The following CLSTN2 variants were observed in gnomAD, a reference collection of about 807,000 sequenced individuals.
The protein encoded by CLSTN2 is calsyntenin-2.
Under a neutral mutation model 101.2 loss-of-function variants are expected in CLSTN2, and 48 were observed. The ratio of observed to expected loss-of-function variants is 0.47; its 90% confidence interval spans 0.38 to 0.60. CLSTN2 has a LOEUF of 0.60. Among genes scored for constraint, CLSTN2 ranks in the 20% least tolerant of loss-of-function variants. CLSTN2 has a pLI of 0.00. For missense variants in CLSTN2, 1,160 were observed against 1,238.2 expected (o/e 0.94, Z 0.95); for synonymous variants, 481 against 463.6 (o/e 1.04, Z -0.48).
At chr3:140,177,618 C>T (rs1007091001) in intron 2 of CLSTN2, among the ~76,000 whole-genome samples, 16 of 151,998 alleles carry the variant, frequency 1.1e-4, no homozygotes, top group Admixed American at 3.3e-4. Flanking sequence ...AATCAGAACC[C>T]ATCTCTACAA....
intron 1 of CLSTN2, among the ~76,000 whole-genome samples, chr3:140,170,429 A>G (rs2010193751): frequency 6.6e-6 from 1 of 152,170 alleles, no homozygotes; most frequent in African/African-American, 2.4e-5. Context: ...AAGGGAGAAA[A>G]TTTGGGGGAT....
At chr3:139,977,708 G>C (rs2016895) in intron 1 of CLSTN2, among the ~76,000 whole-genome samples, 99,014 of 148,132 alleles carry the variant, frequency 0.67, 33,859 homozygotes, top group Admixed American at 0.76. Context: ...GCTGGGGAGG[G>C]GGTGGGGGGC....
chr3:139,983,449 G>T (rs1194516461), intron 1 of CLSTN2, among the ~76,000 whole-genome samples: 1 of 152,004 alleles, frequency 6.6e-6, no homozygotes, highest in Non-Finnish European at 1.5e-5. Flanking sequence ...CTATCATAAG[G>T]TTTACATATT....
intron 2 of CLSTN2, among the ~76,000 whole-genome samples, chr3:140,254,132 C>T (rs186538350): frequency 1.2e-4 from 19 of 152,264 alleles, no homozygotes; most frequent in African/African-American, 4.1e-4. Context: ...CTCATGTTCT[C>T]GACTTCCATT....
intron 2 of CLSTN2, among the ~76,000 whole-genome samples, chr3:140,396,042 A>G (rs2107973758): frequency 6.6e-6 from 1 of 152,330 alleles, no homozygotes; most frequent in South Asian, 2.1e-4. Flanking sequence ...GTGTTTCTCA[A>G]AAGAACCCTA....
chr3:140,358,233 A>ACAG (rs2087694377), intron 2 of CLSTN2, among the ~76,000 whole-genome samples: 1 of 151,810 alleles, frequency 6.6e-6, no homozygotes, highest in Non-Finnish European at 1.5e-5. Flanking sequence ...CCTTGGGAAA[A>ACAG]CTTTCTGGAA....
At chr3:140,193,528 G>A (rs1015249084) in intron 2 of CLSTN2, among the ~76,000 whole-genome samples, 2 of 151,412 alleles carry the variant, frequency 1.3e-5, no homozygotes, top group African/African-American at 4.8e-5. Flanking sequence ...TTGTTTGTTT[G>A]TTTGTTTGTT....
At chr3:140,211,139 C>G (rs868455134) in intron 2 of CLSTN2, among the ~76,000 whole-genome samples, 1 of 152,016 alleles carries the variant, frequency 6.6e-6, no homozygotes, top group Non-Finnish European at 1.5e-5. Context: ...GACTGGCTGT[C>G]AGGAGAGTGG....
intron 2 of CLSTN2, among the ~76,000 whole-genome samples, chr3:140,254,813 C>A (rs1008692671): frequency 2.1e-4 from 32 of 152,084 alleles, no homozygotes; most frequent in African/African-American, 7.2e-4. Flanking sequence ...GCAGCAAACA[C>A]AAAAATTGAC....
intron 2 of CLSTN2, among the ~76,000 whole-genome samples, chr3:140,331,590 A>G (rs2087383631): frequency 6.6e-6 from 1 of 152,194 alleles, no homozygotes; most frequent in Non-Finnish European, 1.5e-5. Context: ...TGACATCTTC[A>G]CCAAGGATAT....
At chr3:140,469,881 T>C (rs942417973) in intron 8 of CLSTN2, among the ~76,000 whole-genome samples, 1 of 152,198 alleles carries the variant, frequency 6.6e-6, no homozygotes, top group African/African-American at 2.4e-5. Context: ...GGGTGATTAA[T>C]TGATCTTTAG....
intron 12 of CLSTN2, among the ~76,000 whole-genome samples, chr3:140,559,149 G>A (rs1221486330): frequency 6.7e-6 from 1 of 149,148 alleles, no homozygotes; most frequent in African/African-American, 2.5e-5. Context: ...CACATAGAAT[G>A]ATCTCAACCA....
In CLSTN2 at chr3:140,573,199, C is replaced by T. The variant is rs778434229; in HGVS notation, c.*6946C>T. The T allele has an allele frequency of 1.3e-5, 2 of 152,392 alleles. No homozygotes were observed. The highest frequency in any genetic ancestry group is 1.9e-4 in the East Asian group (1 of 5,160). The allele number at this position is 152,392 out of a possible 1,614,324, so 9.4% of individuals were successfully genotyped here. On this transcript the variant is annotated 3_prime_UTR_variant, in exon 17 of 17. Transcript: ENST00000458420. Reference sequence around the variant, plus strand: ...CAGCCTGTATGCTGGTGGAGACACCCAGGGCCTGGCAGAGTGTGGAGGGGG... The same window carrying T: ...CAGCCTGTATGCTGGTGGAGACACCTAGGGCCTGGCAGAGTGTGGAGGGGG...
At chr3:140,226,343 C>A (rs2086320030) in intron 2 of CLSTN2, among the ~76,000 whole-genome samples, 1 of 152,096 alleles carries the variant, frequency 6.6e-6, no homozygotes, top group Non-Finnish European at 1.5e-5. Context: ...TGTGCTATAG[C>A]TTTGCAAGAT....
chr3:140,195,513 G>A (rs2010631170), intron 2 of CLSTN2, among the ~76,000 whole-genome samples: 1 of 151,904 alleles, frequency 6.6e-6, no homozygotes, highest in African/African-American at 2.4e-5. Context: ...GAAAAATAAA[G>A]CTAATTTATT....
At chr3:140,086,050 T>C (rs2008675703) in intron 1 of CLSTN2, among the ~76,000 whole-genome samples, 1 of 152,208 alleles carries the variant, frequency 6.6e-6, no homozygotes, top group Non-Finnish European at 1.5e-5. Flanking sequence ...ATGGGTCTCT[T>C]TTCCACCAAG....
At position 140,332,570 on chromosome 3, in the gene CLSTN2, G is replaced by A. The variant is rs577688208; in HGVS notation, c.233-71059G>A. On this transcript the variant is annotated intron_variant, in intron 2 of 16. Coordinates refer to ENST00000458420, the MANE Select transcript of CLSTN2 (RefSeq NM_022131.3). ...ACACTTGTCTGTAATGAGTGGACGA[G>A]AAATGTTGTGAATATACTTAGTCTT... Among the ~76,000 whole-genome samples, 11 of 152,238 alleles carry A rather than the reference G, an allele frequency of 7.2e-5. No homozygotes were observed. The South Asian group carries it at 2.1e-3, about 29-fold the overall frequency.
At chr3:140,488,663 T>TTA (rs1934284448) in intron 8 of CLSTN2, among the ~76,000 whole-genome samples, 1 of 134,782 alleles carries the variant, frequency 7.4e-6, no homozygotes, top group African/African-American at 2.8e-5. Flanking sequence ...TTTTTTTTTT[T>TTA]TAGCAGCAGC....
In CLSTN2 at chr3:140,112,185, G is replaced by T. The variant is rs981529407; in HGVS notation, c.110-63766G>T. Among the ~76,000 whole-genome samples, 4 of 152,176 alleles carry T rather than the reference G, an allele frequency of 2.6e-5. 1 individual carries two copies. Among genetic ancestry groups the T allele is most frequent in the Admixed American group, 2.6e-4 (4 of 15,276 alleles). ...GAAGACAAGAAAGGGCCATCTTGAT[G>T]AAATTTTCACTTATGTTCTGTGAGG... On this transcript the variant is annotated intron_variant, in intron 1 of 16. Transcript: ENST00000458420.
Sources: allele counts gnomAD v4.1 joint callset (sites outside exome capture counted in the v4.1 genomes callset), GRCh38; gene constraint gnomAD v4.1.1; transcripts MANE v1.5; gene names NCBI Gene and HGNC (gene_info 2026-07-23, HGNC 2026-07-21).